Variants in SIPA1L1 observed in about 807,000 individuals in gnomAD.
The protein encoded by SIPA1L1 is signal-induced proliferation-associated 1-like protein 1.
Under a neutral mutation model 162.7 loss-of-function variants are expected in SIPA1L1, and 26 were observed. The ratio of observed to expected loss-of-function variants is 0.16; its 90% confidence interval spans 0.12 to 0.22. The LOEUF (loss-of-function observed/expected upper bound fraction) is 0.22, where lower values mean the gene tolerates loss of function less well. Ranked by LOEUF, SIPA1L1 falls within the 10% of genes least tolerant of loss-of-function variation. SIPA1L1 has a pLI of 1.00. For missense variants in SIPA1L1, 1,874 were observed against 2,241.0 expected (o/e 0.84, Z 3.31); for synonymous variants, 829 against 837.4 (o/e 0.99, Z 0.17).
At chr14:71,535,234 G>T (rs969709119) in intron 4 of SIPA1L1, among the ~76,000 whole-genome samples, 1 of 152,202 alleles carries the variant, frequency 6.6e-6, no homozygotes, top group Non-Finnish European at 1.5e-5. Context: ...TATGTATGGT[G>T]TGTGTTAGAC....
chr14:71,346,938 A>C (rs1219680122), intron 2 of SIPA1L1, among the ~76,000 whole-genome samples: 1 of 151,818 alleles, frequency 6.6e-6, no homozygotes, highest in African/African-American at 2.4e-5. Context: ...GTTTCATGTA[A>C]ATTTAAGCAA....
chr14:71,633,605 A>G (rs2040823172), intron 7 of SIPA1L1, among the ~76,000 whole-genome samples: 1 of 152,230 alleles, frequency 6.6e-6, no homozygotes, highest in Non-Finnish European at 1.5e-5. Context: ...GGTTTTTAGG[A>G]TGCTAGTGGA....
At chr14:71,643,372 C>G (rs1198336516) in intron 7 of SIPA1L1, among the ~76,000 whole-genome samples, 2 of 152,196 alleles carry the variant, frequency 1.3e-5, no homozygotes, top group South Asian at 4.1e-4. Context: ...GTTTACGTCT[C>G]AGAGTCCCTT....
intron 3 of SIPA1L1, among the ~76,000 whole-genome samples, chr14:71,517,574 C>T (rs993417468): frequency 3.9e-5 from 6 of 152,076 alleles, no homozygotes; most frequent in South Asian, 2.1e-4. Flanking sequence ...TAGGATATGC[C>T]GTACCATCTG....
At chr14:71,727,447 T>C (rs2084347413) in intron 19 of SIPA1L1, among the ~76,000 whole-genome samples, 1 of 152,054 alleles carries the variant, frequency 6.6e-6, no homozygotes, top group South Asian at 2.1e-4. Context: ...TTTTTTTTTT[T>C]TTTTTAAATC....
At chr14:71,469,889 GGA>G (rs2047316235) in intron 2 of SIPA1L1, among the ~76,000 whole-genome samples, 1 of 152,216 alleles carries the variant, frequency 6.6e-6, no homozygotes, top group African/African-American at 2.4e-5. Context: ...GTCATAACCA[GGA>G]GGATGGTGTG....
chr14:71,662,614 C>T (rs1009261859), intron 10 of SIPA1L1, among the ~76,000 whole-genome samples: 2 of 152,188 alleles, frequency 1.3e-5, no homozygotes, highest in Admixed American at 6.5e-5. Context: ...GCTATGCCGC[C>T]TCTCTTACAT....
intron 2 of SIPA1L1, among the ~76,000 whole-genome samples, chr14:71,469,830 A>G (rs973921808): frequency 2.0e-5 from 3 of 152,232 alleles, no homozygotes; most frequent in African/African-American, 7.2e-5. Flanking sequence ...AAAAACAAAC[A>G]TGAGGCAGAA....
chr14:71,686,534 CTTTT>C (rs893338299), intron 13 of SIPA1L1, among the ~76,000 whole-genome samples: 3 of 152,024 alleles, frequency 2.0e-5, no homozygotes, highest in African/African-American at 7.2e-5. Context: ...TCATCAACTT[CTTTT>C]TTTTCTTTCT....
intron 13 of SIPA1L1, among the ~76,000 whole-genome samples, chr14:71,688,005 T>C (rs1395401995): frequency 1.3e-5 from 2 of 152,224 alleles, no homozygotes; most frequent in Non-Finnish European, 2.9e-5. Context: ...TCCTACAGTT[T>C]CCAGGATATT....
chr14:71,700,994 CAAAAAAAAAAAAAAAAAAA>C lies in SIPA1L1; in HGVS notation c.3522-1365_3522-1347del, dbSNP rs539293669. Among the ~76,000 whole-genome samples the C allele has an allele frequency of 6.6e-4, 34 of 51,750 alleles. No individual in the cohort carries two copies. The South Asian group carries it at 7.1e-3, about 11-fold the overall frequency. The allele number at this position is 51,750 out of a possible 152,430, so 34.0% of individuals were successfully genotyped here. On this transcript the variant is annotated intron_variant, in intron 14 of 23. Transcript: ENST00000381232. ...TAGGGGACAGAGCAAGACTCCGTCT[CAAAAAAAAAAAAAAAAAAA>C]AAAAAAAAAAAAAAAAAAAAAGTTT...
intron 12 of SIPA1L1, among the ~76,000 whole-genome samples, chr14:71,677,312 A>G (rs1464983773): frequency 6.6e-6 from 1 of 152,014 alleles, no homozygotes; most frequent in African/African-American, 2.4e-5. Context: ...CCAAATTTTG[A>G]TGGGGTTGTT....
chr14:71,510,177 C>CTTTTTTTTT lies in SIPA1L1; in HGVS notation c.-464-2550_-464-2542dup, dbSNP rs985233367. Among the ~76,000 whole-genome samples, 402 of 77,518 alleles carry CTTTTTTTTT rather than the reference C, an allele frequency of 5.2e-3. 2 individuals are homozygous for CTTTTTTTTT. The highest frequency in any genetic ancestry group is 0.013 in the Middle Eastern group (1 of 78). 50.9% of individuals were successfully genotyped at this position (77,518 alleles called of 152,430 possible). On this transcript the variant is annotated intron_variant, in intron 2 of 23. Transcript: ENST00000381232. Reference sequence around the variant, plus strand: ...GCTAGTTCCCCTTAATCCCCCCCACCTTTTTTTTTTTTTTTTTTTTTTTTG... The same window carrying CTTTTTTTTT: ...GCTAGTTCCCCTTAATCCCCCCCACCTTTTTTTTTTTTTTTTTTTTTTTTTTTTTTTTTG...
chr14:71,354,285 T>C (rs1451993415), intron 2 of SIPA1L1, among the ~76,000 whole-genome samples: 1 of 151,168 alleles, frequency 6.6e-6, no homozygotes, highest in Non-Finnish European at 1.5e-5. Flanking sequence ...TTGTTTCTTT[T>C]TTTTTTTTTT....
At chr14:71,692,192 T>C (rs554496371) in intron 13 of SIPA1L1, among the ~76,000 whole-genome samples, 22 of 152,356 alleles carry the variant, frequency 1.4e-4, no homozygotes, top group African/African-American at 5.0e-4. Context: ...AATTTCCTTT[T>C]ATAAAAATTA....
At chr14:71,674,263 A>T (rs1395985538) in intron 12 of SIPA1L1, among the ~76,000 whole-genome samples, 1 of 152,068 alleles carries the variant, frequency 6.6e-6, no homozygotes, top group African/African-American at 2.4e-5. Context: ...GGGAAAGGAG[A>T]GGGAAATGGG....
At chr14:71,502,407 TTG>T (rs113441124) in intron 2 of SIPA1L1, among the ~76,000 whole-genome samples, 21 of 148,980 alleles carry the variant, frequency 1.4e-4, no homozygotes, top group Admixed American at 2.0e-4. Context: ...CCTGGCAATT[TTG>T]TGTGTGTGTG....
At chr14:71,496,786 T>C (rs56407721) in intron 2 of SIPA1L1, among the ~76,000 whole-genome samples, 24,901 of 152,232 alleles carry the variant, frequency 0.16, 2,645 homozygotes, top group Middle Eastern at 0.35. Flanking sequence ...TTTTTAATTA[T>C]TATATTTCAC....
intron 2 of SIPA1L1, among the ~76,000 whole-genome samples, chr14:71,447,551 A>G (rs1171078509): frequency 8.9e-5 from 13 of 146,104 alleles, no homozygotes; most frequent in Non-Finnish European, 1.3e-4. Flanking sequence ...TTTTAAAAGC[A>G]TGTACTGTGG....
Sources: gnomAD v4.1 joint callset for allele counts (sites outside exome capture counted in the v4.1 genomes callset) on GRCh38, gnomAD v4.1.1 for gene constraint, MANE v1.5 for transcripts, NCBI Gene and HGNC (gene_info 2026-07-23, HGNC 2026-07-21) for gene names.